The following WTAP variants were observed in gnomAD, a reference collection of about 807,000 sequenced individuals.
WTAP encodes the protein pre-mRNA-splicing regulator WTAP.
A neutral mutation model predicts 50.0 loss-of-function variants in WTAP; 8 were observed. The ratio of observed to expected loss-of-function variants is 0.16; its 90% confidence interval spans 0.09 to 0.29. WTAP has a LOEUF of 0.29. Among genes scored for constraint, WTAP ranks in the 10% least tolerant of loss-of-function variants. The pLI, the probability that WTAP is intolerant of heterozygous loss-of-function variation, is 1.00. For missense variants in WTAP, 295 were observed against 470.7 expected (o/e 0.63, Z 3.45); for synonymous variants, 194 against 169.0 (o/e 1.15, Z -1.15).
chr6:159,736,174 G>T, intron 1 of WTAP, 84 bp from the exon 2 acceptor site: 3 of 1,301,262 alleles, frequency 2.3e-6, no homozygotes, highest in South Asian at 2.7e-5. Flanking sequence ...CTAATAAATT[G>T]ATTTGAAAGA....
At chr6:159,740,476 T>C (rs906850750) in intron 3 of WTAP, among the ~76,000 whole-genome samples, 5 of 152,176 alleles carry the variant, frequency 3.3e-5, no homozygotes, top group Non-Finnish European at 2.9e-5. Flanking sequence ...ATCCTTGTGA[T>C]ATACATGTTC....
intron 2 of WTAP, among the ~76,000 whole-genome samples, chr6:159,737,794 A>C (rs572781595): frequency 4.6e-5 from 7 of 152,164 alleles, no homozygotes; most frequent in Non-Finnish European, 1.0e-4. Context: ...CCAAAGCCTT[A>C]ATTTTATACT....
At chr6:159,740,093 C>G (rs1779159755) in intron 3 of WTAP, among the ~76,000 whole-genome samples, 2 of 151,934 alleles carry the variant, frequency 1.3e-5, no homozygotes, top group Admixed American at 1.3e-4. Flanking sequence ...GATTCTCTCA[C>G]CTTGGCCTCC....
chr6:159,743,327 G>A (rs531838450), intron 4 of WTAP, among the ~76,000 whole-genome samples: 2 of 152,352 alleles, frequency 1.3e-5, no homozygotes, highest in Non-Finnish European at 2.9e-5. Context: ...GATTACAGGC[G>A]TGAGCCTCTG....
chr6:159,737,585 C>T (rs940199815), intron 2 of WTAP, among the ~76,000 whole-genome samples: 25 of 152,024 alleles, frequency 1.6e-4, no homozygotes, highest in African/African-American at 6.0e-4. Context: ...CCTCATACCC[C>T]AGCTTATGCG....
chr6:159,738,372 GCA>G (rs1255306342), intron 2 of WTAP, among the ~76,000 whole-genome samples: 3 of 152,016 alleles, frequency 2.0e-5, no homozygotes, highest in Non-Finnish European at 2.9e-5. Flanking sequence ...CTTCCACTTA[GCA>G]CAGTTTCCTT....
At chr6:159,738,473 A>G (rs970333709) in intron 2 of WTAP, among the ~76,000 whole-genome samples, 5 of 152,170 alleles carry the variant, frequency 3.3e-5, no homozygotes, top group East Asian at 1.9e-4. Flanking sequence ...TGATAGTTCA[A>G]TCATTTGCCT....
chr6:159,726,973 C>A (rs569686533), upstream of WTAP: 58 of 1,282,198 alleles, frequency 4.5e-5, no homozygotes, highest in South Asian at 6.9e-4. Context: ...CACAGAGCGG[C>A]CAATCACGCG....
intron 1 of WTAP, among the ~76,000 whole-genome samples, chr6:159,728,922 C>T (rs1459756263): frequency 6.6e-6 from 1 of 152,206 alleles, no homozygotes; most frequent in Admixed American, 6.5e-5. Context: ...TTGCTAACTC[C>T]TAAAGGATAA....
rs778477122 is a variant in WTAP at position 159,755,495 on chromosome 6, A to T, written c.1075A>T (p.Ser359Cys). The change falls in exon 8 of 8, where the codon AGT becomes TGT. Residue 359 changes from serine (S) to cysteine (C), a missense_variant. This residue lies in a region of WTAP where 175 missense variants were observed against 183.1 expected (regional missense o/e 0.96). Coordinates refer to ENST00000621533, the MANE Select transcript of WTAP (RefSeq NM_001270531.2). ...ACACCAATCAAATGACACAGACTCCAGTCATGACCCTCAAGAGGAGAAAGC... is the reference window on the plus strand; with the variant it reads ...ACACCAATCAAATGACACAGACTCCTGTCATGACCCTCAAGAGGAGAAAGC... ...LTHQSNDTDS[S>C]HDPQEEKAVS... is the part of the protein sequence containing the mutation. 1.2e-6 allele frequency: 2 copies of T among 1,614,180 alleles called. No homozygotes were observed. The highest frequency in any genetic ancestry group is 3.3e-5 in the Admixed American group (2 of 60,018).
chr6:159,745,980 G>A (rs1470984885), intron 5 of WTAP, among the ~76,000 whole-genome samples: 1 of 152,172 alleles, frequency 6.6e-6, no homozygotes, highest in African/African-American at 2.4e-5. Flanking sequence ...GAGTAACGAT[G>A]CTACTAGGAT....
intron 5 of WTAP, among the ~76,000 whole-genome samples, chr6:159,747,961 T>C (rs1395146765): frequency 6.6e-6 from 1 of 152,224 alleles, no homozygotes; most frequent in African/African-American, 2.4e-5. Flanking sequence ...GATGTTTCAA[T>C]ACATATAATG....
upstream of WTAP, chr6:159,726,858 G>C (rs947469595): frequency 7.8e-7 from 1 of 1,289,122 alleles, no homozygotes; most frequent in Non-Finnish European, 1.0e-6. Context: ...TTACAGGTGA[G>C]CTTCTGCTAA....
At chr6:159,750,816 A>C (rs1779792013) in intron 6 of WTAP, among the ~76,000 whole-genome samples, 1 of 147,708 alleles carries the variant, frequency 6.8e-6, no homozygotes, top group African/African-American at 2.5e-5. Context: ...TACATCACTA[A>C]TTTGAAACAA....
intron 1 of WTAP, 95 bp downstream of exon 1, chr6:159,727,798 G>C: frequency 3.4e-6 from 3 of 873,700 alleles, no homozygotes; most frequent in Non-Finnish European, 4.1e-6. Flanking sequence ...GGGCGGGCAG[G>C]GCCCGAAAGG....
chr6:159,730,284 A>G (rs574219323), intron 1 of WTAP, among the ~76,000 whole-genome samples: 4 of 152,264 alleles, frequency 2.6e-5, no homozygotes, highest in African/African-American at 7.2e-5. Context: ...TTTCTTTATT[A>G]TTTTCCTTCA....
chr6:159,746,220 T>C (rs753861796), intron 5 of WTAP, among the ~76,000 whole-genome samples: 34 of 152,162 alleles, frequency 2.2e-4, no homozygotes, highest in Non-Finnish European at 4.6e-4. Flanking sequence ...AACTGTCAAG[T>C]GGGAAGTGAG....
chr6:159,734,173 G>A (rs1778761372), intron 1 of WTAP, among the ~76,000 whole-genome samples: 1 of 151,978 alleles, frequency 6.6e-6, no homozygotes, highest in African/African-American at 2.4e-5. Context: ...TGGTGTGTGT[G>A]TGTTTTGTTT....
At position 159,739,377 on chromosome 6, in the gene WTAP, G is replaced by A. The variant is rs1779105943; in HGVS notation, c.86+332G>A. ...GAAATACATAATTTACTAATGAAGT[G>A]AGGTTACTTTTTCTTATTAGTGTGA... On this transcript the variant is annotated intron_variant, in intron 3 of 7. Coordinates refer to ENST00000621533, the MANE Select transcript of WTAP (RefSeq NM_001270531.2). Among the ~76,000 whole-genome samples the A allele has an allele frequency of 3.3e-5, 5 of 152,280 alleles. No individual in the cohort carries two copies. In the South Asian group the frequency reaches 1.0e-3, roughly 32 times the overall value.
Sources: allele counts gnomAD v4.1 joint callset (sites outside exome capture counted in the v4.1 genomes callset), GRCh38; gene constraint gnomAD v4.1.1; regional missense constraint gnomAD v4.1.1; transcripts MANE v1.5; gene names NCBI Gene and HGNC (gene_info 2026-07-23, HGNC 2026-07-21).